ITPR2: variants seen among roughly 807,000 people sequenced by gnomAD.
ITPR2 encodes the protein inositol 1,4,5-trisphosphate-gated calcium channel ITPR2.
ITPR2 carries 207 observed loss-of-function variants against 317.1 expected under a neutral mutation model. The ratio of observed to expected loss-of-function variants is 0.65; its 90% CI spans 0.58 to 0.73. The LOEUF (loss-of-function observed/expected upper bound fraction) is 0.73, where lower values mean the gene tolerates loss of function less well. Ranked by LOEUF, ITPR2 falls within the 30% of genes least tolerant of loss-of-function variation. The probability of loss-of-function intolerance (pLI) is 0.00; values close to 1 mark genes in which losing one functional copy is unlikely to be tolerated. For missense variants in ITPR2, 2,613 were observed against 3,284.0 expected (o/e 0.80, Z 4.99); for synonymous variants, 1,156 against 1,149.1 (o/e 1.01, Z -0.12).
At chr12:26,648,873 T>G (rs962022157) in intron 21 of ITPR2, 2 of 152,174 alleles carry the variant, frequency 1.3e-5, no homozygotes, top group Non-Finnish European at 2.9e-5. Flanking sequence ...GAAAAGTGTT[T>G]CTTCTTGCTT....
At chr12:26,815,459 C>T (rs993916806) in intron 1 of ITPR2, among the ~76,000 whole-genome samples, 1 of 152,154 alleles carries the variant, frequency 6.6e-6, no homozygotes, top group South Asian at 2.1e-4. Context: ...TAAATTGTTT[C>T]TTTCTATTAC....
intron 1 of ITPR2, among the ~76,000 whole-genome samples, chr12:26,825,115 C>T (rs1245862948): frequency 6.6e-6 from 1 of 152,092 alleles, no homozygotes; most frequent in Non-Finnish European, 1.5e-5. Flanking sequence ...CACCTGCAGT[C>T]CCAGCTACTC....
intron 2 of ITPR2, among the ~76,000 whole-genome samples, chr12:26,772,480 T>A (rs12810685): frequency 9.9e-5 from 9 of 90,902 alleles, no homozygotes; most frequent in African/African-American, 2.1e-4. Context: ...TTATATATAA[T>A]ATATATAATA....
At chr12:26,620,967 C>T (rs571862534) in intron 26 of ITPR2, among the ~76,000 whole-genome samples, 156 bp downstream of exon 26, 51 of 152,170 alleles carry the variant, frequency 3.4e-4, no homozygotes, top group Non-Finnish European at 6.9e-4. Context: ...TGCCAGTTTA[C>T]GGAGTTAATT....
At chr12:26,735,961 T>C (rs1949112899) in intron 2 of ITPR2, among the ~76,000 whole-genome samples, 2 of 152,344 alleles carry the variant, frequency 1.3e-5, no homozygotes, top group African/African-American at 4.8e-5. Flanking sequence ...ATAGCACCCA[T>C]CTATCAGATA....
chr12:26,461,627 AATATATATATATATAT>A (rs754482854), intron 45 of ITPR2, among the ~76,000 whole-genome samples: 499 of 48,744 alleles, frequency 0.01, 13 homozygotes, highest in African/African-American at 0.032. Flanking sequence ...AAAGCATATA[AATATATATATATATAT>A]ATATATATAT....
rs534197748 is a variant in ITPR2 at position 26,733,184 on chromosome 12, T to C, written c.164-7419A>G. On this transcript the variant is annotated intron_variant, in intron 2 of 56. Transcript: ENST00000381340. ...CAAAAATTAGCCAGGCGCAGTGGCGTGTGCCTGTAATCCCAGCCACTCAAG... is the reference window on the plus strand; with the variant it reads ...CAAAAATTAGCCAGGCGCAGTGGCGCGTGCCTGTAATCCCAGCCACTCAAG... 1.8e-4 allele frequency among the ~76,000 whole-genome samples: 28 copies of C among 151,722 alleles called. 1 individual carries two copies. In the South Asian group the frequency reaches 5.6e-3, roughly 30 times the overall value.
rs540507307 is a variant in ITPR2, at chr12:26,427,906, T to C, written c.6945+7A>G. 5.5e-5 allele frequency: 85 copies of C among 1,546,812 alleles called. No homozygotes were observed. In the Admixed American group the frequency reaches 5.8e-4, roughly 11 times the overall value. Reference sequence around the variant, plus strand: ...TGTAACAGTACAAAGCTAAGTAAAGTACTTACATTAGCTGCACCAAGAAGT... The same window carrying C: ...TGTAACAGTACAAAGCTAAGTAAAGCACTTACATTAGCTGCACCAAGAAGT... On this transcript the variant is annotated splice_region_variant and intron_variant, in intron 49 of 56. Transcript: ENST00000381340.
At chr12:26,396,472 C>G (rs1940001516) in intron 54 of ITPR2, among the ~76,000 whole-genome samples, 1 of 152,180 alleles carries the variant, frequency 6.6e-6, no homozygotes, top group Admixed American at 6.5e-5. Flanking sequence ...GTTTTCTCCC[C>G]TCTCTTCCAC....
At chr12:26,467,799 T>A (rs1237449592) in intron 45 of ITPR2, among the ~76,000 whole-genome samples, 2 of 152,032 alleles carry the variant, frequency 1.3e-5, no homozygotes, top group Non-Finnish European at 2.9e-5. Flanking sequence ...CCATTAACCA[T>A]CAATTTGAGA....
Position 26,715,761 on chromosome 12 carries a change from T to C in ITPR2, c.699A>G (p.Val233=), listed in dbSNP as rs1462560245. The part of the protein sequence containing the change: ...FMKYSSYRED[V]LKGGDVVRLF... ...TGTAGCACATACTTACTCCTTTTAA[T>C]ACATCCTCTCGATAGGAACTATATT... Residue 233 remains valine (V), a synonymous_variant, in exon 7 of 57, where the codon GTA becomes GTG. Transcript: ENST00000381340. The C allele has an allele frequency of 1.9e-6, 3 of 1,596,100 alleles. No homozygotes were observed. The highest frequency in any genetic ancestry group is 1.7e-5 in the Admixed American group (1 of 59,900).
intron 55 of ITPR2, among the ~76,000 whole-genome samples, chr12:26,364,408 T>C (rs1048978661): frequency 3.9e-5 from 6 of 152,190 alleles, no homozygotes; most frequent in African/African-American, 7.2e-5. Context: ...ATACATAGTA[T>C]AAATGAATAA....
chr12:26,691,117 A>G (rs1198988179), intron 10 of ITPR2, among the ~76,000 whole-genome samples: 1 of 152,238 alleles, frequency 6.6e-6, no homozygotes, highest in Non-Finnish European at 1.5e-5. Flanking sequence ...ACAGTCTGAC[A>G]GTAAACTTCA....
chr12:26,798,047 C>T (rs939913152), intron 1 of ITPR2, among the ~76,000 whole-genome samples: 3 of 152,036 alleles, frequency 2.0e-5, no homozygotes, highest in African/African-American at 7.2e-5. Flanking sequence ...GATCCCCCAA[C>T]GCTGGGATTT....
chr12:26,734,629 A>G (rs1265993590), intron 2 of ITPR2, among the ~76,000 whole-genome samples: 1 of 145,042 alleles, frequency 6.9e-6, no homozygotes, highest in African/African-American at 2.5e-5. Flanking sequence ...TCCTAAATTA[A>G]AAAAAAAAAA....
chr12:26,550,641 C>T (rs1290637476), intron 36 of ITPR2, among the ~76,000 whole-genome samples: 1 of 151,892 alleles, frequency 6.6e-6, no homozygotes, highest in African/African-American at 2.4e-5. Context: ...TACTAATATT[C>T]TCACCCCAAT....
chr12:26,484,077 A>C (rs1023502654), intron 41 of ITPR2, among the ~76,000 whole-genome samples, 179 bp from the exon 42 acceptor site: 4 of 150,908 alleles, frequency 2.7e-5, no homozygotes, highest in Non-Finnish European at 5.9e-5. Context: ...CCAAGCATCT[A>C]TATATATATA....
rs1945049471 is a variant in ITPR2 at position 26,568,008 on chromosome 12, A to ATATATTATATATAT, written c.4631-6057_4631-6056insATATATATAATATA. ...TATATATATATATATTATATATATT[A>ATATATTATATATAT]TATATATATATATATATATATATAA... On this transcript the variant is annotated intron_variant, in intron 34 of 56. Transcript: ENST00000381340. 3.3e-3 allele frequency among the ~76,000 whole-genome samples: 18 copies of ATATATTATATATAT among 5,494 alleles called. 1 individual carries two copies. The highest frequency in any genetic ancestry group is 5.3e-3 in the African/African-American group (15 of 2,812). The allele number at this position is 5,494 out of a possible 152,430, so 3.6% of individuals were successfully genotyped here. A position where few individuals can be genotyped will look rare whatever the true frequency, so the allele number is the denominator to read the frequency against.
At chr12:26,368,887 A>G (rs1396959851) in intron 55 of ITPR2, among the ~76,000 whole-genome samples, 2 of 152,232 alleles carry the variant, frequency 1.3e-5, no homozygotes, top group African/African-American at 4.8e-5. Flanking sequence ...ATGATGTCAG[A>G]TTATGATAGC....
Sources: gnomAD v4.1 joint callset for allele counts (sites outside exome capture counted in the v4.1 genomes callset) on GRCh38, gnomAD v4.1.1 for gene constraint, MANE v1.5 for transcripts, NCBI Gene and HGNC (gene_info 2026-07-23, HGNC 2026-07-21) for gene names.